The following SRPX2 variants were observed in gnomAD, a reference collection of about 807,000 sequenced individuals.
The protein encoded by SRPX2 is sushi repeat containing protein X-linked 2, also known as sushi repeat-containing protein SRPX2.
Under a neutral mutation model 45.3 loss-of-function variants are expected in SRPX2, and 26 were observed. That is an observed-to-expected ratio of 0.57 (90% CI 0.42 to 0.80). SRPX2 has a LOEUF of 0.80. Among genes scored for constraint, SRPX2 ranks in the 30% least tolerant of loss-of-function variants. The pLI, the probability that SRPX2 is intolerant of heterozygous loss-of-function variation, is 0.00. For synonymous variants in SRPX2, 125 were observed against 143.7 expected (o/e 0.87, Z 0.93); for missense variants, 355 against 399.8 (o/e 0.89, Z 0.95).
At chrX:100,665,089 T>C in intron 5 of SRPX2, 139 bp downstream of exon 5, 1 of 1,061,247 alleles carries the variant, frequency 9.4e-7, no homozygotes, top group Non-Finnish European at 1.3e-6. Context: ...CTAAACAAAA[T>C]GATCTTCTCC....
At chrX:100,663,095 G>A (rs1429841378) in intron 4 of SRPX2, among the ~76,000 whole-genome samples, 1 of 111,666 alleles carries the variant, frequency 9.0e-6, no homozygotes, top group East Asian at 2.8e-4. Flanking sequence ...TCAGTGTGGT[G>A]TAACTGGATG....
At chrX:100,651,093 T>C in intron 3 of SRPX2, 1 of 407,020 alleles carries the variant, frequency 2.5e-6, no homozygotes, top group Non-Finnish European at 4.3e-6. Flanking sequence ...TATTGACTAG[T>C]TACTCAATGC....
intron 2 of SRPX2, among the ~76,000 whole-genome samples, chrX:100,649,829 G>T (rs1394686132): frequency 8.9e-6 from 1 of 112,165 alleles, no homozygotes; most frequent in African/African-American, 3.2e-5. Flanking sequence ...TGGAAATAGG[G>T]AATTGTCTCT....
At chrX:100,660,355 T>C (rs1392459090) in intron 3 of SRPX2, among the ~76,000 whole-genome samples, 1 of 111,898 alleles carries the variant, frequency 8.9e-6, no homozygotes, top group African/African-American at 3.3e-5. Context: ...TCTGTCACTG[T>C]ATTTTTGCCT....
Position 100,665,251 on chromosome X carries a change from C to T in SRPX2, c.541C>T (p.Pro181Ser). The change falls in exon 6 of 11, where the codon CCC becomes TCC. Residue 181 changes from proline (P) to serine (S), a missense_variant. Physicochemically the swap from Pro to Ser is moderately conservative, Grantham distance 74. Coordinates refer to ENST00000373004, the MANE Select transcript of SRPX2 (RefSeq NM_014467.3). ...ATTTTTCATCTTGGCAGACATAGAT[C>T]CCCCCAAGATCCGCTGTCCCCACTC... is the stretch of plus-strand genomic sequence containing the variant. ...GGEPVCVDID[P>S]PKIRCPHSRE... The T allele has an allele frequency of 8.3e-7, 1 of 1,209,767 alleles. No individual in the cohort carries two copies. The highest frequency in any genetic ancestry group is 1.1e-6 in the Non-Finnish European group (1 of 894,595).
At chrX:100,651,223 G>T in intron 3 of SRPX2, 1 of 207,915 alleles carries the variant, frequency 4.8e-6, no homozygotes, top group Non-Finnish European at 8.7e-6. Context: ...CACATGTAGG[G>T]CAAGTAAGTG....
In SRPX2 at chrX:100,675,777, T is replaced by A. The variant is rs2083264669; in HGVS notation, c.*4790T>A. ...AATGGACTCTGAAAATAAACTAGAT[T>A]ATACACAGAAACATTTTAAAGAAAT... On this transcript the variant is annotated 3_prime_UTR_variant, in exon 11 of 11. Transcript: ENST00000373004. 1 of 286,358 alleles carries A rather than the reference T, an allele frequency of 3.5e-6. No homozygotes were observed. Among genetic ancestry groups the A allele is most frequent in the Non-Finnish European group, 6.1e-6 (1 of 164,928 alleles). 23.6% of individuals were successfully genotyped at this position (286,358 alleles called of 1,213,427 possible).
At chrX:100,662,495 T>G in intron 4 of SRPX2, 128 bp downstream of exon 4, 1 of 794,241 alleles carries the variant, frequency 1.3e-6, no homozygotes, top group Non-Finnish European at 1.9e-6. Flanking sequence ...GAATATTCCA[T>G]AAGCCCCCCA....
intron 2 of SRPX2, among the ~76,000 whole-genome samples, chrX:100,650,462 T>C (rs943467699): frequency 8.9e-6 from 1 of 111,881 alleles, no homozygotes; most frequent in Non-Finnish European, 1.9e-5. Flanking sequence ...TTCAAGGAAA[T>C]GGGTCATTTA....
intron 3 of SRPX2, among the ~76,000 whole-genome samples, chrX:100,651,885 T>C (rs192867150): frequency 9.0e-6 from 1 of 111,158 alleles, no homozygotes; most frequent in African/African-American, 3.3e-5. Context: ...GCATGAAAAT[T>C]ATCTGTGATG....
At chrX:100,645,399 G>T (rs999717678) in intron 1 of SRPX2, among the ~76,000 whole-genome samples, 5 of 111,757 alleles carry the variant, frequency 4.5e-5, no homozygotes, top group African/African-American at 1.6e-4. Context: ...GAGGGCAATT[G>T]GAGCTTGTTC....
At chrX:100,670,737 G>A (rs2083221623) in intron 10 of SRPX2, 70 bp from the exon 11 acceptor site, 36 of 1,150,280 alleles carry the variant, frequency 3.1e-5, no homozygotes, top group Non-Finnish European at 4.0e-5. Context: ...CAAAAAGTCA[G>A]AGGGTAGTAG....
At chrX:100,658,255 T>C (rs946435436) in intron 3 of SRPX2, among the ~76,000 whole-genome samples, 1 of 112,128 alleles carries the variant, frequency 8.9e-6, no homozygotes, top group African/African-American at 3.2e-5. Context: ...GTCTTACATT[T>C]AAGTTTTTAC....
chrX:100,651,396 C>T (rs1336790903), intron 3 of SRPX2, among the ~76,000 whole-genome samples: 2 of 110,865 alleles, frequency 1.8e-5, no homozygotes, highest in African/African-American at 3.3e-5. Flanking sequence ...GCTAAAAATA[C>T]GGAAGTAAGA....
chrX:100,662,103 T>G, intron 3 of SRPX2, 73 bp from the exon 4 acceptor site: 2 of 1,070,236 alleles, frequency 1.9e-6, no homozygotes, highest in Non-Finnish European at 2.6e-6. Flanking sequence ...TCCATTGACC[T>G]ATTTGTCTTT....
rs1000320960 is a variant in SRPX2, at chrX:100,669,459, T to C, written c.1217+90T>C. On this transcript the variant is annotated intron_variant, in intron 10 of 10. Coordinates refer to ENST00000373004, the MANE Select transcript of SRPX2 (RefSeq NM_014467.3). Reference sequence around the variant, plus strand: ...GCAGGACACTGGCAAAAGCGGACTATGGGGAAACCATCAGACACTACTCTC... The same window carrying C: ...GCAGGACACTGGCAAAAGCGGACTACGGGGAAACCATCAGACACTACTCTC... 9 of 889,229 alleles carry C rather than the reference T, an allele frequency of 1.0e-5. No individual in the cohort carries two copies. The African/African-American group carries it at 1.4e-4, about 14-fold the overall frequency. The allele number at this position is 889,229 out of a possible 1,213,427, so 73.3% of individuals were successfully genotyped here.
chrX:100,646,907 A>T (rs1339358795), intron 2 of SRPX2, among the ~76,000 whole-genome samples: 3 of 111,920 alleles, frequency 2.7e-5, no homozygotes, highest in Admixed American at 1.9e-4. Context: ...ATAAAATGAG[A>T]TTTTTTATAG....
intron 4 of SRPX2, among the ~76,000 whole-genome samples, chrX:100,662,957 C>A (rs775298530): frequency 1.2e-4 from 13 of 112,184 alleles, no homozygotes; most frequent in Admixed American, 3.8e-4. Flanking sequence ...ATGTCCATGG[C>A]AGAACACCAC....
At chrX:100,646,168 A>G in intron 1 of SRPX2, 25 bp from the exon 2 acceptor site, 1 of 500,201 alleles carries the variant, frequency 2.0e-6, no homozygotes, top group South Asian at 2.8e-5. Context: ...TTCATTAATT[A>G]TAAAATCTCT....
Sources: allele counts gnomAD v4.1 joint callset (sites outside exome capture counted in the v4.1 genomes callset), GRCh38; gene constraint gnomAD v4.1.1; transcripts MANE v1.5; gene names NCBI Gene and HGNC (gene_info 2026-07-23, HGNC 2026-07-21).